The following TNRC6B variants were observed in gnomAD, a reference collection of about 807,000 sequenced individuals.
The protein encoded by TNRC6B is trinucleotide repeat containing adaptor 6B, also known as trinucleotide repeat-containing gene 6B protein.
In TNRC6B, 52 loss-of-function variants were observed where a neutral mutation model predicts 203.6. The ratio of observed to expected loss-of-function variants is 0.26; its 90% CI spans 0.20 to 0.32. The LOEUF (loss-of-function observed/expected upper bound fraction) is 0.32. TNRC6B is among the 10% of genes least tolerant of loss of function. The probability of loss-of-function intolerance (pLI) is 1.00; values close to 1 mark genes in which losing one functional copy is unlikely to be tolerated. For synonymous variants in TNRC6B, 838 were observed against 845.7 expected (o/e 0.99, Z 0.16); for missense variants, 1,923 against 2,286.2 (o/e 0.84, Z 3.24).
In TNRC6B at chr22:40,322,789, C is replaced by G. The variant is rs1177627624; in HGVS notation, c.5115-65C>G. Reference sequence around the variant, plus strand: ...CACATTGAATGTCAAGGACTGCAGTCGCTCCCTCCGTATGCTTTAGGATTT... The same window carrying G: ...CACATTGAATGTCAAGGACTGCAGTGGCTCCCTCCGTATGCTTTAGGATTT... On this transcript the variant is annotated intron_variant, in intron 22 of 22. Coordinates refer to ENST00000454349, the MANE Select transcript of TNRC6B (RefSeq NM_001162501.2). 1.9e-6 allele frequency: 3 copies of G among 1,585,220 alleles called. No individual in the cohort carries two copies. The Admixed American group carries it at 5.1e-5, about 27-fold the overall frequency.
chr22:40,073,903 AAAAAC>A (rs770489775), intron 1 of TNRC6B, among the ~76,000 whole-genome samples: 38 of 152,184 alleles, frequency 2.5e-4, no homozygotes, highest in Admixed American at 4.6e-4. Context: ...ACTAAAAACA[AAAAAC>A]AATACAAAAA....
intron 1 of TNRC6B, among the ~76,000 whole-genome samples, chr22:40,058,737 C>G (rs2067822615): frequency 6.6e-6 from 1 of 152,152 alleles, no homozygotes; most frequent in Non-Finnish European, 1.5e-5. Context: ...GGCAACCCAC[C>G]TGCCCAGTAC....
chr22:40,230,341 G>A (rs2069851764), intron 1 of TNRC6B, among the ~76,000 whole-genome samples: 1 of 142,794 alleles, frequency 7.0e-6, no homozygotes, highest in South Asian at 2.2e-4. Flanking sequence ...CCAGACTGGA[G>A]TGCAGTGGCA....
intron 21 of TNRC6B, among the ~76,000 whole-genome samples, chr22:40,318,817 C>A (rs1190599565): frequency 6.6e-6 from 1 of 152,080 alleles, no homozygotes; most frequent in African/African-American, 2.4e-5. Flanking sequence ...TGCCTGTAAT[C>A]CCAACACTTT....
chr22:40,301,892 C>T (rs1280728312), intron 15 of TNRC6B, among the ~76,000 whole-genome samples: 2 of 152,086 alleles, frequency 1.3e-5, no homozygotes, highest in Non-Finnish European at 2.9e-5. Flanking sequence ...GCTCTCCTAC[C>T]GCCGGGAATT....
intron 17 of TNRC6B, among the ~76,000 whole-genome samples, chr22:40,311,902 C>T (rs1220049209): frequency 1.3e-5 from 2 of 152,122 alleles, no homozygotes; most frequent in Admixed American, 6.5e-5. Context: ...TTTCTCATCA[C>T]GATTTGGAAA....
At chr22:40,141,204 CTTTTTTTTTTT>C (rs757105010) in intron 3 of TNRC6B, among the ~76,000 whole-genome samples, 1 of 75,690 alleles carries the variant, frequency 1.3e-5, no homozygotes, top group Non-Finnish European at 2.4e-5. Context: ...AAATTCTGTC[CTTTTTTTTTTT>C]TTTTTTTTTT....
chr22:40,285,354 T>TA (rs1403405581), intron 11 of TNRC6B, among the ~76,000 whole-genome samples: 1 of 152,248 alleles, frequency 6.6e-6, no homozygotes, highest in Non-Finnish European at 1.5e-5. Flanking sequence ...AAATAAATGT[T>TA]ATGTTGCCTA....
chr22:40,106,779 T>G, intron 1 of TNRC6B: 1 of 875,618 alleles, frequency 1.1e-6, no homozygotes. Context: ...TTGATACCTC[T>G]GATCCTGATG....
At chr22:40,151,967 G>T (rs1407842898) in intron 3 of TNRC6B, among the ~76,000 whole-genome samples, 1 of 151,852 alleles carries the variant, frequency 6.6e-6, no homozygotes, top group Non-Finnish European at 1.5e-5. Context: ...TGGAAGGGAG[G>T]AAACTGTCAA....
intron 3 of TNRC6B, among the ~76,000 whole-genome samples, chr22:40,257,860 T>G (rs2070305221): frequency 6.6e-6 from 1 of 151,416 alleles, no homozygotes; most frequent in Non-Finnish European, 1.5e-5. Context: ...CCGTCTCTGT[T>G]AAACATACAA....
At chr22:40,179,441 C>T (rs971746020) in intron 1 of TNRC6B, among the ~76,000 whole-genome samples, 6 of 152,026 alleles carry the variant, frequency 3.9e-5, no homozygotes, top group Non-Finnish European at 7.4e-5. Context: ...CTGATTTATG[C>T]TGTGGCATAT....
At chr22:40,264,553 C>A in intron 4 of TNRC6B, 135 bp from the exon 5 acceptor site, 2 of 947,006 alleles carry the variant, frequency 2.1e-6, no homozygotes, top group Non-Finnish European at 3.0e-6. Context: ...AGTTGTGATA[C>A]AAGCAACTGG....
chr22:40,249,387 A>G lies in TNRC6B; in HGVS notation c.94-1792A>G, dbSNP rs547848061. On this transcript the variant is annotated intron_variant, in intron 2 of 22. Transcript: ENST00000454349. ...CAGAAATTAAGCATGAGCCTTTTCC[A>G]GTGTTCATTGGTTGTAGCAGTTGGC... is the stretch of plus-strand genomic sequence containing the variant. 2.0e-5 allele frequency among the ~76,000 whole-genome samples: 3 copies of G among 152,364 alleles called. No homozygotes were observed. The East Asian group carries it at 5.8e-4, about 29-fold the overall frequency.
At chr22:40,091,756 G>A (rs1034801742) in intron 1 of TNRC6B, among the ~76,000 whole-genome samples, 7 of 152,012 alleles carry the variant, frequency 4.6e-5, no homozygotes, top group Admixed American at 6.6e-5. Flanking sequence ...TTAAGCTGAC[G>A]ATGGGAACTT....
chr22:40,321,502 C>T, intron 22 of TNRC6B: 1 of 362,248 alleles, frequency 2.8e-6, no homozygotes, highest in East Asian at 4.9e-5. Flanking sequence ...TAACATAAAG[C>T]TAGGGCCGGG....
chr22:40,241,909 T>G (rs1444417098), intron 1 of TNRC6B, among the ~76,000 whole-genome samples: 7 of 152,242 alleles, frequency 4.6e-5, no homozygotes, highest in Admixed American at 4.6e-4. Flanking sequence ...TGTTCCAGAT[T>G]TAGCTTGTAG....
chr22:40,303,904 C>T (rs996271687), intron 15 of TNRC6B, among the ~76,000 whole-genome samples: 2 of 152,112 alleles, frequency 1.3e-5, no homozygotes, highest in Admixed American at 1.3e-4. Flanking sequence ...AGCAAGACTC[C>T]GTCTCAAAAA....
At chr22:40,082,955 C>G (rs893485082) in intron 1 of TNRC6B, among the ~76,000 whole-genome samples, 5 of 152,130 alleles carry the variant, frequency 3.3e-5, no homozygotes, top group Non-Finnish European at 5.9e-5. Context: ...GTGGGAATAT[C>G]AAGTTAAGTA....
Sources: gnomAD v4.1 joint callset for allele counts (sites outside exome capture counted in the v4.1 genomes callset) on GRCh38, gnomAD v4.1.1 for gene constraint, MANE v1.5 for transcripts, NCBI Gene and HGNC (gene_info 2026-07-23, HGNC 2026-07-21) for gene names.